Variants in NOTCH2 observed in about 807,000 individuals in gnomAD.
NOTCH2 encodes notch receptor 2.
Under a neutral mutation model 235.8 loss-of-function variants are expected in NOTCH2, and 29 were observed. The observed-to-expected ratio is 0.12, with a 90% CI of 0.09 to 0.17. The LOEUF is 0.17. Among genes scored for constraint, NOTCH2 ranks in the 10% least tolerant of loss-of-function variants. The probability of loss-of-function intolerance (pLI) is 1.00; values close to 1 mark genes in which losing one functional copy is unlikely to be tolerated. For synonymous variants in NOTCH2, 1,086 were observed against 1,141.5 expected (o/e 0.95, Z 0.98); for missense variants, 2,285 against 3,150.2 (o/e 0.73, Z 6.57).
At chr1:119,967,668 C>A (rs1651194767) in intron 7 of NOTCH2, 47 bp from the exon 8 acceptor site, 2 of 1,549,314 alleles carry the variant, frequency 1.3e-6, no homozygotes, top group African/African-American at 1.4e-5. Context: ...AGTTGAGTTT[C>A]CACAAATGTG....
chr1:119,926,266 T>G (rs1229790248), intron 24 of NOTCH2, among the ~76,000 whole-genome samples: 1 of 152,244 alleles, frequency 6.6e-6, no homozygotes, highest in Admixed American at 6.5e-5. Flanking sequence ...AGTCATGGAT[T>G]GGGAAGCTCA....
chr1:119,997,031 A>C lies in NOTCH2; in HGVS notation c.717T>G (p.Thr239=), dbSNP rs377144560. ...PCVNGGTCRQ[T]GDFTFECNCL... is the part of the protein sequence containing the mutation. Reference sequence around the variant, plus strand: ...AGTTGCACTCAAAAGTGAAGTCACCAGTCTGCCGACAGGTGCCTCCATTGA... The same window carrying C: ...AGTTGCACTCAAAAGTGAAGTCACCCGTCTGCCGACAGGTGCCTCCATTGA... The change falls in exon 4 of 34, where the codon ACT becomes ACG. Residue 239 remains threonine (T), a synonymous_variant. Coordinates refer to ENST00000256646, the MANE Select transcript of NOTCH2 (RefSeq NM_024408.4). The C allele has an allele frequency of 6.2e-7, 1 of 1,614,012 alleles. No individual in the cohort carries two copies. Among genetic ancestry groups the C allele is most frequent in the Middle Eastern group, 1.7e-4 (1 of 6,056 alleles).
At chr1:119,925,172 G>C (rs587751278) in intron 25 of NOTCH2, 133 bp downstream of exon 25, 2 of 1,111,432 alleles carry the variant, frequency 1.8e-6, no homozygotes, top group African/African-American at 3.1e-5. Flanking sequence ...AGTGTGCGAT[G>C]GGACAAGGCT....
chr1:119,975,807 G>T (rs942227809), intron 5 of NOTCH2, among the ~76,000 whole-genome samples: 57 of 152,296 alleles, frequency 3.7e-4, no homozygotes, highest in Admixed American at 1.6e-3. Context: ...GCATTTATGA[G>T]CTGTAACACG....
Position 119,923,819 on chromosome 1 carries a change from G to A in NOTCH2, c.4677C>T (p.Leu1559=), listed in dbSNP as rs756529497. The A allele has an allele frequency of 9.3e-6, 15 of 1,614,044 alleles. No individual in the cohort carries two copies. In the East Asian group the frequency reaches 1.6e-4, roughly 17 times the overall value. Residue 1559 remains leucine, a synonymous_variant, in exon 26 of 34, where the codon CTC becomes CTT. Transcript: ENST00000256646. ...IVVLMPPEQL[L]QDARSFLRAL... is the part of the protein sequence containing the mutation. ...CCCGCAAGAAGCTGCGAGCATCCTG[G>A]AGCAGTTGTTCAGGTGGCATCAATA...
At chr1:119,948,732 G>C (rs1214257032) in intron 16 of NOTCH2, among the ~76,000 whole-genome samples, 166 bp from the exon 17 acceptor site, 3 of 152,164 alleles carry the variant, frequency 2.0e-5, no homozygotes, top group African/African-American at 7.2e-5. Context: ...CTAGGAAGTT[G>C]CTGCCAAGGT....
At chr1:119,925,159 G>A in intron 25 of NOTCH2, 146 bp downstream of exon 25, 1 of 947,576 alleles carries the variant, frequency 1.1e-6, no homozygotes, top group African/African-American at 1.6e-5. Context: ...GAGAGCACAG[G>A]GCAGTGTGCG....
At position 119,937,272 on chromosome 1, in the gene NOTCH2, G is replaced by A. The variant is rs782678195; in HGVS notation, c.3522+10C>T. The A allele has an allele frequency of 3.1e-6, 5 of 1,612,714 alleles. No individual in the cohort carries two copies. The South Asian group carries it at 4.4e-5, about 14-fold the overall frequency. On this transcript the variant is annotated intron_variant, in intron 21 of 33. Transcript: ENST00000256646. ...GAGGTCCATGACCTCTGCTTGCTCA[G>A]TGTCCTCACCTCGCATCTGTATCCA...
intron 22 of NOTCH2, among the ~76,000 whole-genome samples, chr1:119,934,126 G>T (rs1389991542): frequency 6.6e-6 from 1 of 152,178 alleles, no homozygotes; most frequent in Non-Finnish European, 1.5e-5. Context: ...CTTGAAGTTT[G>T]ACTGCACCAA....
chr1:120,065,738 C>T (rs1655481161), intron 1 of NOTCH2, among the ~76,000 whole-genome samples: 1 of 152,022 alleles, frequency 6.6e-6, no homozygotes, highest in Admixed American at 6.6e-5. Context: ...GAAAAGAAGA[C>T]CTTTTGGTTT....
intron 19 of NOTCH2, among the ~76,000 whole-genome samples, chr1:119,938,839 C>G (rs1309932174): frequency 6.6e-6 from 1 of 152,154 alleles, no homozygotes; most frequent in Admixed American, 6.5e-5. Context: ...CGCTACCACA[C>G]CCGGCTAATT....
rs12033862 is a variant in NOTCH2 at position 120,038,760 on chromosome 1, T to C, written c.74-8773A>G. Among the ~76,000 whole-genome samples the C allele has an allele frequency of 6.3e-3, 927 of 147,058 alleles. 38 individuals carry two copies. In the East Asian group the frequency reaches 0.16, roughly 26 times the overall value. On this transcript the variant is annotated intron_variant, in intron 1 of 33. Coordinates refer to ENST00000256646, the MANE Select transcript of NOTCH2 (RefSeq NM_024408.4). Reference sequence around the variant, plus strand: ...ATAAGAAAGAACAAAATGCTGCAAATTTCCAGGCCTTTAACAAGGATGAAA... The same window carrying C: ...ATAAGAAAGAACAAAATGCTGCAAACTTCCAGGCCTTTAACAAGGATGAAA...
chr1:119,932,653 CAG>C (rs782054335), intron 22 of NOTCH2, among the ~76,000 whole-genome samples: 5 of 135,452 alleles, frequency 3.7e-5, no homozygotes, highest in South Asian at 2.4e-4. Flanking sequence ...CTATCTATCT[CAG>C]AGAGAGAGAG....
At chr1:119,932,675 T>G (rs1040433609) in intron 22 of NOTCH2, among the ~76,000 whole-genome samples, 12 of 152,166 alleles carry the variant, frequency 7.9e-5, no homozygotes, top group African/African-American at 2.7e-4. Context: ...GAGGAAGTTC[T>G]ATATTTTGAT....
chr1:119,933,673 A>C (rs1364039296), intron 22 of NOTCH2, among the ~76,000 whole-genome samples: 1 of 152,250 alleles, frequency 6.6e-6, no homozygotes, highest in East Asian at 1.9e-4. Context: ...TATCAAAACT[A>C]GTATTCTAAG....
intron 12 of NOTCH2, among the ~76,000 whole-genome samples, chr1:119,958,617 A>G (rs1256265349): frequency 6.6e-6 from 1 of 152,142 alleles, no homozygotes; most frequent in Non-Finnish European, 1.5e-5. Flanking sequence ...CAGGTGTGTC[A>G]GTGAGGGGCC....
At chr1:119,943,404 C>G (rs1650135100) in intron 17 of NOTCH2, among the ~76,000 whole-genome samples, 1 of 152,010 alleles carries the variant, frequency 6.6e-6, no homozygotes, top group African/African-American at 2.4e-5. Flanking sequence ...CTGAGAACAG[C>G]TCATGTTTAT....
At position 120,005,411 on chromosome 1, in the gene NOTCH2, C is replaced by G; in HGVS notation, c.333G>C (p.Val111=). ...CQYSTSHPCF[V]SRPCLNGGTC... ...TGCCGCCATTCAGGCAGGGTCGAGA[C>G]ACAAAGCATGGATGAGATGTTGAGT... The change falls in exon 3 of 34, where the codon GTG becomes GTC. Residue 111 remains valine (V), a synonymous_variant. Coordinates refer to ENST00000256646, the MANE Select transcript of NOTCH2 (RefSeq NM_024408.4). The G allele has an allele frequency of 6.2e-7, 1 of 1,614,038 alleles. No homozygotes were observed. Among genetic ancestry groups the G allele is most frequent in the East Asian group, 2.2e-5 (1 of 44,888 alleles).
intron 1 of NOTCH2, among the ~76,000 whole-genome samples, chr1:120,035,205 CT>C (rs1346187511): frequency 6.6e-6 from 1 of 151,182 alleles, no homozygotes; most frequent in African/African-American, 2.4e-5. Context: ...AGAAGCACTA[CT>C]TGTAACATGT....
Sources: allele counts gnomAD v4.1 joint callset (sites outside exome capture counted in the v4.1 genomes callset), GRCh38; gene constraint gnomAD v4.1.1; transcripts MANE v1.5; gene names NCBI Gene and HGNC (gene_info 2026-07-23, HGNC 2026-07-21).